The following FSTL5 variants were observed in gnomAD, a reference collection of about 807,000 sequenced individuals.
FSTL5 encodes follistatin-related protein 5.
Under a neutral mutation model 89.1 loss-of-function variants are expected in FSTL5, and 62 were observed. The ratio of observed to expected loss-of-function variants is 0.70; its 90% CI spans 0.57 to 0.86. The LOEUF (loss-of-function observed/expected upper bound fraction) is 0.86. Among genes scored for constraint, FSTL5 ranks in the 40% least tolerant of loss-of-function variants. The probability of loss-of-function intolerance (pLI) is 0.00; values close to 1 mark genes in which losing one functional copy is unlikely to be tolerated. For synonymous variants in FSTL5, 383 were observed against 346.2 expected (o/e 1.11, Z -1.18); for missense variants, 1,057 against 1,001.6 (o/e 1.06, Z -0.75).
chr4:161,821,076 C>T (rs992394208), intron 4 of FSTL5, among the ~76,000 whole-genome samples: 3 of 152,126 alleles, frequency 2.0e-5, no homozygotes, highest in Non-Finnish European at 4.4e-5. Flanking sequence ...CTCATTCTGT[C>T]ACCCAGGCTA....
intron 7 of FSTL5, among the ~76,000 whole-genome samples, chr4:161,627,432 T>C (rs1735353276): frequency 6.6e-6 from 1 of 152,170 alleles, no homozygotes; most frequent in Non-Finnish European, 1.5e-5. Flanking sequence ...ATAGAATACA[T>C]TATAGTATAA....
At chr4:161,556,317 T>C (rs1373776317) in intron 8 of FSTL5, among the ~76,000 whole-genome samples, 1 of 151,634 alleles carries the variant, frequency 6.6e-6, no homozygotes, top group Admixed American at 6.6e-5. Context: ...AAAATATATA[T>C]GATTCTGGAA....
chr4:161,872,130 T>TTTTTTG (rs1193810909), intron 4 of FSTL5, among the ~76,000 whole-genome samples: 19 of 19,956 alleles, frequency 9.5e-4, no homozygotes, highest in Admixed American at 3.3e-3. Flanking sequence ...TGTAGTTTGT[T>TTTTTTG]TTTTTTTTTG....
intron 10 of FSTL5, among the ~76,000 whole-genome samples, chr4:161,536,836 G>A (rs1379055385): frequency 6.6e-6 from 1 of 152,068 alleles, no homozygotes; most frequent in South Asian, 2.1e-4. Flanking sequence ...ATTAAAATCT[G>A]TTTCACAAAC....
At chr4:162,144,823 T>G (rs1472558265) in intron 1 of FSTL5, among the ~76,000 whole-genome samples, 1 of 152,070 alleles carries the variant, frequency 6.6e-6, no homozygotes, top group East Asian at 1.9e-4. Context: ...TATGTAAATT[T>G]TTATAAAAAC....
chr4:162,082,151 T>C (rs973175239), intron 2 of FSTL5, among the ~76,000 whole-genome samples: 1 of 151,738 alleles, frequency 6.6e-6, no homozygotes, highest in Non-Finnish European at 1.5e-5. Context: ...TGTGCCTTTA[T>C]CAGTGTTGAT....
chr4:161,999,260 G>T (rs11940900), intron 3 of FSTL5, among the ~76,000 whole-genome samples: 14,208 of 152,050 alleles, frequency 0.093, 783 homozygotes, highest in East Asian at 0.23. Context: ...TGATTATGTG[G>T]ATAAATGCTA....
At chr4:161,918,061 T>C (rs1278958378) in intron 4 of FSTL5, among the ~76,000 whole-genome samples, 1 of 152,180 alleles carries the variant, frequency 6.6e-6, no homozygotes, top group Non-Finnish European at 1.5e-5. Flanking sequence ...GCTTCTTCCA[T>C]TGGGCCACTA....
At chr4:161,549,991 C>T (rs1578917123) in intron 8 of FSTL5, among the ~76,000 whole-genome samples, 2 of 151,958 alleles carry the variant, frequency 1.3e-5, no homozygotes, top group South Asian at 2.1e-4. Context: ...AAAGCCGTCA[C>T]GTCAGGACTA....
At chr4:161,665,261 A>G (rs548856719) in intron 6 of FSTL5, among the ~76,000 whole-genome samples, 2 of 152,178 alleles carry the variant, frequency 1.3e-5, no homozygotes, top group Admixed American at 1.3e-4. Context: ...TTTTATTTTG[A>G]GACAGAGTCT....
chr4:161,760,345 T>C (rs1489868233), intron 5 of FSTL5, among the ~76,000 whole-genome samples: 4 of 152,178 alleles, frequency 2.6e-5, no homozygotes, highest in Admixed American at 6.5e-5. Flanking sequence ...TCATACTCTC[T>C]CACATACAAA....
intron 3 of FSTL5, among the ~76,000 whole-genome samples, chr4:161,925,228 C>T (rs1364398846): frequency 3.3e-5 from 5 of 151,774 alleles, no homozygotes; most frequent in Non-Finnish European, 4.4e-5. Flanking sequence ...AGTTCACCTG[C>T]CTTGAACAAT....
chr4:161,510,158 T>C (rs1730605448), intron 11 of FSTL5, among the ~76,000 whole-genome samples: 1 of 152,164 alleles, frequency 6.6e-6, no homozygotes, highest in African/African-American at 2.4e-5. Flanking sequence ...TTCATACTTT[T>C]AAAGTATTTC....
chr4:161,598,297 CCCG>C, intron 7 of FSTL5, among the ~76,000 whole-genome samples: 1 of 152,004 alleles, frequency 6.6e-6, no homozygotes, highest in Non-Finnish European at 1.5e-5. Flanking sequence ...ATAGCTTGAA[CCCG>C]GAAGGCAGAG....
At position 161,395,085 on chromosome 4, in the gene FSTL5, G is replaced by C. The variant is rs72987255; in HGVS notation, c.1842-8636C>G. Among the ~76,000 whole-genome samples, 1,494 of 152,174 alleles carry C rather than the reference G, an allele frequency of 9.8e-3. 21 individuals carry two copies. Among genetic ancestry groups the C allele is most frequent in the East Asian group, 0.053 (276 of 5,172 alleles). On this transcript the variant is annotated intron_variant, in intron 15 of 15. Coordinates refer to ENST00000306100, the MANE Select transcript of FSTL5 (RefSeq NM_020116.5). ...AGAAGCAGGTATTCTAAAAACCTGA[G>C]AGTGAACAAATTCTCCAGGTCAAGG...
rs114080208 is a variant in FSTL5 at position 161,904,863 on chromosome 4, T to C, written c.409+15541A>G. 7.4e-3 allele frequency among the ~76,000 whole-genome samples: 1,123 copies of C among 152,062 alleles called. 12 individuals carry two copies. The highest frequency in any genetic ancestry group is 0.022 in the African/African-American group (896 of 41,540). On this transcript the variant is annotated intron_variant, in intron 4 of 15. Transcript: ENST00000306100. ...TAAAAAAGTAATTGGTCTTTTGTTA[T>C]AATATTTGAGAAAATAAAAATAATA...
At chr4:161,549,951 C>G (rs915267508) in intron 8 of FSTL5, among the ~76,000 whole-genome samples, 2 of 151,836 alleles carry the variant, frequency 1.3e-5, no homozygotes, top group Non-Finnish European at 2.9e-5. Flanking sequence ...CTTACTAAAA[C>G]TATAAAAGTA....
chr4:161,689,914 C>T (rs1737871963), intron 6 of FSTL5, among the ~76,000 whole-genome samples: 1 of 152,072 alleles, frequency 6.6e-6, no homozygotes, highest in African/African-American at 2.4e-5. Context: ...ATGACCTTTT[C>T]GTCTTTGTTG....
At position 161,907,294 on chromosome 4, in the gene FSTL5, C is replaced by T. The variant is rs114407083; in HGVS notation, c.409+13110G>A. ...AGTGCAATTGATATGGGTCTATCTG[C>T]CTTTTTCAAGTAAAAGTTAAACAAG... On this transcript the variant is annotated intron_variant, in intron 4 of 15. Transcript: ENST00000306100. Among the ~76,000 whole-genome samples, 937 of 152,134 alleles carry T rather than the reference C, an allele frequency of 6.2e-3. 15 individuals are homozygous for T. Among genetic ancestry groups the T allele is most frequent in the African/African-American group, 0.022 (905 of 41,534 alleles).
Sources: gnomAD v4.1 joint callset for allele counts (sites outside exome capture counted in the v4.1 genomes callset) on GRCh38, gnomAD v4.1.1 for gene constraint, MANE v1.5 for transcripts, NCBI Gene and HGNC (gene_info 2026-07-23, HGNC 2026-07-21) for gene names.